TMEM114: variants seen among roughly 807,000 people sequenced by gnomAD.
TMEM114 encodes claudin-26.
TMEM114 carries 6 observed loss-of-function variants against 6.2 expected under a neutral mutation model. The ratio of observed to expected loss-of-function variants is 0.97; its 90% CI spans 0.53 to 1.91. The LOEUF is 1.91. TMEM114 is among the 40% of genes most tolerant of loss of function. The pLI, the probability that TMEM114 is intolerant of heterozygous loss-of-function variation, is 0.01. For missense variants in TMEM114, 218 were observed against 158.3 expected, an observed-to-expected ratio of 1.38 and a Z score of -2.02; for synonymous variants, 104 against 73.0, an observed-to-expected ratio of 1.42 and a Z score of -2.16.
chr16:8,588,328 A>G (rs1902379279), intron 2 of TMEM114, among the ~76,000 whole-genome samples: 1 of 152,006 alleles, frequency 6.6e-6, no homozygotes, highest in Non-Finnish European at 1.5e-5. Context: ...AAAGTCTATG[A>G]AACTCAGTCT....
At chr16:8,556,969 A>T (rs1655581162) in intron 2 of TMEM114, among the ~76,000 whole-genome samples, 1 of 152,100 alleles carries the variant, frequency 6.6e-6, no homozygotes, top group African/African-American at 2.4e-5. Context: ...GCAAATAAAT[A>T]GTTGGATTTT....
At chr16:8,542,055 C>G (rs1344524215) in intron 2 of TMEM114, among the ~76,000 whole-genome samples, 1 of 152,154 alleles carries the variant, frequency 6.6e-6, no homozygotes, top group African/African-American at 2.4e-5. Flanking sequence ...CAACATTAGG[C>G]AGAAATGCAG....
rs1156649307 is a variant in TMEM114 at position 8,563,727 on chromosome 16, CAGTG to C, written n.212+25482_212+25485del. Among the ~76,000 whole-genome samples the C allele has an allele frequency of 9.3e-5, 10 of 107,720 alleles. No homozygotes were observed. The East Asian group carries it at 2.2e-3, about 24-fold the overall frequency. 70.7% of individuals were successfully genotyped at this position (107,720 alleles called of 152,430 possible). A position where few individuals can be genotyped will look rare whatever the true frequency, so the allele number is the denominator to read the frequency against. The stretch of plus-strand genomic sequence containing the variant: ...TGAATGAGTGAGTGAGTGAATGAGT[CAGTG>C]AGTGAATGAATGAGTCAGTGAATAA... On this transcript the variant is annotated intron_variant and non_coding_transcript_variant, in intron 2 of 2. Coordinates refer to the TMEM114 transcript ENST00000623677.
At chr16:8,568,339 G>A (rs890188592), downstream of TMEM114, among the ~76,000 whole-genome samples, 2 of 152,144 alleles carry the variant, frequency 1.3e-5, no homozygotes, top group African/African-American at 2.4e-5. Context: ...CTGACTGACC[G>A]ACTGGCGTGG....
In TMEM114 at chr16:8,555,851, G is replaced by A. The variant is rs569467271; in HGVS notation, n.213-18025C>T. Reference sequence around the variant, plus strand: ...ACAGAAGGAAGCTCCCAAGAACAAAGAATATCTGGCCTCAAATGTCACTAG... The same window carrying A: ...ACAGAAGGAAGCTCCCAAGAACAAAAAATATCTGGCCTCAAATGTCACTAG... On this transcript the variant is annotated intron_variant and non_coding_transcript_variant, in intron 2 of 2. Coordinates refer to the TMEM114 transcript ENST00000623677. Among the ~76,000 whole-genome samples the A allele has an allele frequency of 1.1e-4, 16 of 152,304 alleles. No individual in the cohort carries two copies. The East Asian group carries it at 2.9e-3, about 28-fold the overall frequency.
chr16:8,589,880 G>A lies in TMEM114; in HGVS notation c.-42C>T. 1 of 394,730 alleles carries A rather than the reference G, an allele frequency of 2.5e-6. No individual in the cohort carries two copies. The highest frequency in any genetic ancestry group is 4.5e-6 in the Non-Finnish European group (1 of 223,602). 24.5% of individuals were successfully genotyped at this position (394,730 alleles called of 1,614,324 possible). On this transcript the variant is annotated 5_prime_UTR_variant, in exon 1 of 4. Coordinates refer to ENST00000620492, the MANE Select transcript of TMEM114 (RefSeq NM_001146336.2). ...AGCAGCCGCGGGTTCCAGTGGCCGC[G>A]GCGCGACCCCTCTGCTCCTGCCCCC... is the stretch of plus-strand genomic sequence containing the variant.
At chr16:8,544,087 T>G in intron 2 of TMEM114, among the ~76,000 whole-genome samples, 1 of 152,242 alleles carries the variant, frequency 6.6e-6, no homozygotes, top group East Asian at 1.9e-4. Context: ...TTGATAGATT[T>G]TCTTTTTCCT....
At chr16:8,581,866 T>C (rs559681329) in intron 2 of TMEM114, among the ~76,000 whole-genome samples, 1 of 152,178 alleles carries the variant, frequency 6.6e-6, no homozygotes, top group African/African-American at 2.4e-5. Context: ...GCCCAGAGGA[T>C]TGAAGATCCA....
Position 8,590,462 on chromosome 16 carries a change from G to C in TMEM114, c.-624C>G, listed in dbSNP as rs1287312947. 3.9e-5 allele frequency among the ~76,000 whole-genome samples: 6 copies of C among 152,186 alleles called. No homozygotes were observed. The highest frequency in any genetic ancestry group is 1.4e-4 in the African/African-American group (6 of 41,434). On this transcript the variant is annotated 5_prime_UTR_variant, in exon 1 of 4. Coordinates refer to ENST00000620492, the MANE Select transcript of TMEM114 (RefSeq NM_001146336.2). ...TCCCGCAGCTCCTGCTCTGGCCGGG[G>C]CGCAGCTGACCCTCTGAGCCCTCCT...
downstream of TMEM114, among the ~76,000 whole-genome samples, chr16:8,537,119 T>C (rs532605521): frequency 1.3e-3 from 204 of 152,122 alleles, 1 homozygote; most frequent in Non-Finnish European, 2.2e-3. Flanking sequence ...GGCTGGAAGA[T>C]CGCATGAGCT....
intron 2 of TMEM114, chr16:8,572,436 GTTGT>G (rs948186707): frequency 8.2e-6 from 5 of 606,928 alleles, no homozygotes; most frequent in African/African-American, 5.6e-5. Context: ...CTTTGTTCTT[GTTGT>G]TTGTTTTGTT....
At chr16:8,556,334 A>G (rs1901008503) in intron 2 of TMEM114, among the ~76,000 whole-genome samples, 1 of 152,156 alleles carries the variant, frequency 6.6e-6, no homozygotes, top group Non-Finnish European at 1.5e-5. Context: ...CGCCTCCTCC[A>G]TAGAACTCCC....
At chr16:8,550,045 C>T (rs891360792) in intron 2 of TMEM114, among the ~76,000 whole-genome samples, 21 of 152,306 alleles carry the variant, frequency 1.4e-4, no homozygotes, top group African/African-American at 5.1e-4. Flanking sequence ...CCCGAGAGTC[C>T]AAAAGCCAAA....
At chr16:8,568,459 T>A (rs945514619), downstream of TMEM114, among the ~76,000 whole-genome samples, 1 of 151,870 alleles carries the variant, frequency 6.6e-6, no homozygotes, top group Non-Finnish European at 1.5e-5. Flanking sequence ...GTGGTGATGA[T>A]GTCATGATGT....
chr16:8,529,763 T>C, the TMEM114 span, among the ~76,000 whole-genome samples: 29 of 152,010 alleles, frequency 1.9e-4, no homozygotes, highest in African/African-American at 7.0e-4. Flanking sequence ...GTCTCAAGTC[T>C]CACCCCCAGA....
chr16:8,539,814 T>C (rs1900466649), intron 2 of TMEM114, among the ~76,000 whole-genome samples: 1 of 152,162 alleles, frequency 6.6e-6, no homozygotes, highest in Admixed American at 6.5e-5. Context: ...AATATGCTAT[T>C]TTTTTAATTA....
intron 2 of TMEM114, among the ~76,000 whole-genome samples, chr16:8,580,966 A>G (rs1902128776): frequency 3.3e-5 from 5 of 152,350 alleles, no homozygotes; most frequent in Middle Eastern, 3.4e-3. Flanking sequence ...TGCTGGGATT[A>G]CAGGCGTGAG....
chr16:8,544,324 T>C (rs751106539), intron 2 of TMEM114, among the ~76,000 whole-genome samples: 6 of 152,228 alleles, frequency 3.9e-5, no homozygotes, highest in African/African-American at 7.2e-5. Flanking sequence ...TGTTGAGCAT[T>C]AACTGAGCCA....
chr16:8,529,909 TTAG>T, the TMEM114 span, among the ~76,000 whole-genome samples: 1 of 152,194 alleles, frequency 6.6e-6, no homozygotes, highest in Non-Finnish European at 1.5e-5. Context: ...TTTCTATGAA[TTAG>T]TATTTGCACT....
Sources: allele counts gnomAD v4.1 joint callset (sites outside exome capture counted in the v4.1 genomes callset), GRCh38; gene constraint gnomAD v4.1.1; transcripts MANE v1.5; gene names NCBI Gene and HGNC (gene_info 2026-07-23, HGNC 2026-07-21).